Variants in IGBP1C observed in about 807,000 individuals in gnomAD.
IGBP1C encodes the protein IGBP1 family member C, also known as immunoglobulin-binding protein 1 family member C.
At chr17:58,668,907 C>T in the IGBP1C span, among the ~76,000 whole-genome samples, 443 of 152,166 alleles carry the variant, frequency 2.9e-3, 3 homozygotes, top group African/African-American at 0.01. Context: ...TGGAGACATT[C>T]TGGCAAGTGA....
the IGBP1C span, among the ~76,000 whole-genome samples, chr17:58,680,917 CTTTT>C: frequency 6.6e-6 from 1 of 152,056 alleles, no homozygotes; most frequent in Non-Finnish European, 1.5e-5. Flanking sequence ...GAGTTTATAA[CTTTT>C]TTTTCCTTGT....
chr17:58,692,029 G>A, the IGBP1C span: 2 of 153,418 alleles, frequency 1.3e-5, no homozygotes, highest in African/African-American at 2.4e-5. Flanking sequence ...GGGAAGACGT[G>A]GGTGGGTGCG....
At chr17:58,667,034 C>A in the IGBP1C span, among the ~76,000 whole-genome samples, 1 of 152,194 alleles carries the variant, frequency 6.6e-6, no homozygotes, top group Non-Finnish European at 1.5e-5. Flanking sequence ...GTCTGTCAGG[C>A]CATTTTCCTG....
chr17:58,684,019 G>A, the IGBP1C span, among the ~76,000 whole-genome samples: 1 of 150,250 alleles, frequency 6.7e-6, no homozygotes, highest in Non-Finnish European at 1.5e-5. Flanking sequence ...GAGCCGAGAT[G>A]GTGCCACTGC....
At chr17:58,684,725 G>A in the IGBP1C span, among the ~76,000 whole-genome samples, 1 of 151,872 alleles carries the variant, frequency 6.6e-6, no homozygotes, top group African/African-American at 2.4e-5. Context: ...AACTCATATA[G>A]ATTAATAGGG....
the IGBP1C span, chr17:58,661,139 G>T: frequency 2.4e-6 from 2 of 842,862 alleles, no homozygotes; most frequent in Non-Finnish European, 4.2e-6. Flanking sequence ...TCTTTGAGAT[G>T]CCATAGCAAC....
the IGBP1C span, chr17:58,691,807 G>C: frequency 6.6e-6 from 1 of 152,076 alleles, no homozygotes; most frequent in Non-Finnish European, 1.5e-5. Flanking sequence ...CTGTAATTTA[G>C]AGGCGGTCAC....
chr17:58,686,546 C>A, the IGBP1C span, among the ~76,000 whole-genome samples: 3 of 152,092 alleles, frequency 2.0e-5, no homozygotes, highest in East Asian at 5.8e-4. Context: ...CACTGCCATG[C>A]CCAGGTTATG....
the IGBP1C span, among the ~76,000 whole-genome samples, chr17:58,663,060 G>C: frequency 6.7e-6 from 1 of 150,146 alleles, no homozygotes; most frequent in African/African-American, 2.5e-5. Flanking sequence ...AGTGAGCCGA[G>C]ATGGCACCAC....
the IGBP1C span, among the ~76,000 whole-genome samples, chr17:58,679,860 G>A: frequency 6.6e-6 from 1 of 152,024 alleles, no homozygotes; most frequent in African/African-American, 2.4e-5. Flanking sequence ...AAAATCTTAA[G>A]AAATATAAGC....
At chr17:58,670,433 A>AC in the IGBP1C span, among the ~76,000 whole-genome samples, 1 of 152,000 alleles carries the variant, frequency 6.6e-6, no homozygotes, top group Non-Finnish European at 1.5e-5. Flanking sequence ...TTAAAAAAAA[A>AC]AACAACAAAC....
chr17:58,679,242 C>A, the IGBP1C span, among the ~76,000 whole-genome samples: 1 of 152,208 alleles, frequency 6.6e-6, no homozygotes, highest in African/African-American at 2.4e-5. Context: ...AAATTGTTAG[C>A]TTTGAAAAGG....
the IGBP1C span, among the ~76,000 whole-genome samples, chr17:58,664,658 C>T: frequency 6.6e-6 from 1 of 152,066 alleles, no homozygotes; most frequent in Non-Finnish European, 1.5e-5. Flanking sequence ...GGCCACATTA[C>T]GATTTTGAAG....
the IGBP1C span, among the ~76,000 whole-genome samples, chr17:58,666,272 C>T: frequency 2.6e-5 from 4 of 151,194 alleles, no homozygotes; most frequent in South Asian, 8.4e-4. Context: ...AGCTCGAACT[C>T]GGGAGGTGGA....
chr17:58,686,929 A>AG, the IGBP1C span, among the ~76,000 whole-genome samples: 1 of 115,342 alleles, frequency 8.7e-6, no homozygotes, highest in Non-Finnish European at 1.6e-5. Context: ...CCTAGAGCGC[A>AG]GGGGAGGGAT....
chr17:58,661,736 G>A, the IGBP1C span: 5 of 565,144 alleles, frequency 8.8e-6, no homozygotes, highest in African/African-American at 1.9e-5. Flanking sequence ...CGTTGGGGGC[G>A]GCATAGGGGA....
the IGBP1C span, among the ~76,000 whole-genome samples, chr17:58,688,117 T>TTTTTG: frequency 5.3e-5 from 8 of 151,900 alleles, no homozygotes; most frequent in Non-Finnish European, 7.4e-5. Context: ...TTATAGACTT[T>TTTTTG]TTTTGTTTTG....
At chr17:58,681,483 C>A in the IGBP1C span, among the ~76,000 whole-genome samples, 1 of 152,000 alleles carries the variant, frequency 6.6e-6, no homozygotes, top group African/African-American at 2.4e-5. Flanking sequence ...TATATATATA[C>A]ATACACACAT....
the IGBP1C span, chr17:58,660,925 A>C: frequency 6.6e-6 from 6 of 909,622 alleles, no homozygotes; most frequent in African/African-American, 1.6e-5. Context: ...CCTCTCTTGA[A>C]GAGTCTTTCT....
Sources: gnomAD v4.1 joint callset for allele counts (sites outside exome capture counted in the v4.1 genomes callset) on GRCh38, gnomAD v4.1.1 for gene constraint, MANE v1.5 for transcripts, NCBI Gene and HGNC (gene_info 2026-07-23, HGNC 2026-07-21) for gene names.